Variants in SEC23B observed in about 807,000 individuals in gnomAD.
SEC23B encodes the protein protein transport protein Sec23B.
A neutral mutation model predicts 104.3 loss-of-function variants in SEC23B; 77 were observed. The observed-to-expected ratio is 0.74, with a 90% CI of 0.61 to 0.89. The LOEUF (loss-of-function observed/expected upper bound fraction) is 0.89, where lower values mean the gene tolerates loss of function less well. SEC23B is among the 40% of genes least tolerant of loss of function. SEC23B has a pLI of 0.00. For synonymous variants in SEC23B, 338 were observed against 332.5 expected (o/e 1.02, Z -0.18); for missense variants, 885 against 949.4 (o/e 0.93, Z 0.89).
intron 8 of SEC23B, among the ~76,000 whole-genome samples, chr20:18,527,263 G>A (rs754317009): frequency 5.3e-5 from 8 of 151,724 alleles, no homozygotes; most frequent in Admixed American, 2.0e-4. Flanking sequence ...GGATGGTGGC[G>A]CACGCTTTTA....
intron 4 of SEC23B, among the ~76,000 whole-genome samples, chr20:18,523,065 T>C (rs1009349447): frequency 1.9e-4 from 16 of 84,632 alleles, no homozygotes; most frequent in Non-Finnish European, 3.3e-4. Flanking sequence ...AGACTCCGTC[T>C]CAAAAAAAAA....
At chr20:18,549,587 T>C (rs1453965250) in intron 16 of SEC23B, among the ~76,000 whole-genome samples, 1 of 151,886 alleles carries the variant, frequency 6.6e-6, no homozygotes, top group Non-Finnish European at 1.5e-5. Context: ...AAATGTTACA[T>C]GAAAAAAAGT....
At position 18,560,654 on chromosome 20, in the gene SEC23B, A is replaced by G; in HGVS notation, c.2218A>G (p.Thr740Ala). The change falls in exon 20 of 20, where the codon ACT (threonine) becomes GCT (alanine). Residue 740 changes from threonine (T) to alanine (A), a missense_variant. Physicochemically the swap from Thr to Ala is moderately conservative, Grantham distance 58. Coordinates refer to ENST00000650089, the MANE Select transcript of SEC23B (RefSeq NM_006363.6). ...AATCTTTATCATTACATTTCAGGAA[A>G]CTGGAGCACCCATCCTAACTGATGA... The part of the protein sequence containing the change: ...HNNLYAWGQE[T>A]GAPILTDDVS... 1.2e-5 allele frequency: 19 copies of G among 1,613,206 alleles called. No homozygotes were observed. The highest frequency in any genetic ancestry group is 1.6e-5 in the Non-Finnish European group (19 of 1,179,150).
chr20:18,556,972 G>T (rs571852999), intron 19 of SEC23B, among the ~76,000 whole-genome samples: 29 of 152,272 alleles, frequency 1.9e-4, no homozygotes, highest in Admixed American at 1.4e-3. Flanking sequence ...CTCCAGCCTG[G>T]GCAACAGAGC....
At chr20:18,553,358 A>T (rs1184096039) in intron 17 of SEC23B, among the ~76,000 whole-genome samples, 1 of 152,200 alleles carries the variant, frequency 6.6e-6, no homozygotes, top group Admixed American at 6.5e-5. Flanking sequence ...ATCTGATGAG[A>T]ATCCTCTGCC....
At position 18,550,180 on chromosome 20, in the gene SEC23B, A is replaced by G. The variant is rs113800628; in HGVS notation, c.1906-909A>G. Among the ~76,000 whole-genome samples, 1,202 of 150,696 alleles carry G rather than the reference A, an allele frequency of 8.0e-3. 8 individuals are homozygous for G. Among genetic ancestry groups the G allele is most frequent in the Middle Eastern group, 0.014 (4 of 290 alleles). ...AATAATAAACGTATTTTTTTTTGAG[A>G]TGGGGTGTCTGTCACCCAGGTTGGA... On this transcript the variant is annotated intron_variant, in intron 16 of 19. Coordinates refer to ENST00000650089, the MANE Select transcript of SEC23B (RefSeq NM_006363.6).
chr20:18,517,737 A>G (rs975077717), intron 4 of SEC23B, among the ~76,000 whole-genome samples: 10 of 152,152 alleles, frequency 6.6e-5, no homozygotes, highest in African/African-American at 2.2e-4. Context: ...ATTTTGGCGT[A>G]AGGGGTGATG....
rs750189716 is a variant in SEC23B, at chr20:18,511,047, A to G, written c.212A>G (p.Asn71Ser). ...CSRPTCKAVL[N>S]PLCQVDYRAK... ...AGGCCAACTTGTAAAGCTGTTCTCA[A>G]CCCACTTTGGTATGGATTCTTTTGA... Residue 71 changes from asparagine (N) to serine (S), a missense_variant, in exon 2 of 20, where the codon AAC becomes AGC. Asn to Ser is a conservative substitution (Grantham distance 46, BLOSUM62 1). Transcript: ENST00000650089. 6.2e-7 allele frequency: 1 copy of G among 1,611,198 alleles called. No homozygotes were observed. The highest frequency in any genetic ancestry group is 8.5e-7 in the Non-Finnish European group (1 of 1,177,294).
intron 12 of SEC23B, among the ~76,000 whole-genome samples, chr20:18,537,732 A>G (rs377121746): frequency 6.6e-6 from 1 of 152,046 alleles, no homozygotes; most frequent in African/African-American, 2.4e-5. Context: ...AACTTAAAGT[A>G]TAATAATAAT....
chr20:18,507,732 G>C (rs1266804165), upstream of SEC23B: 1 of 152,306 alleles, frequency 6.6e-6, no homozygotes, highest in Non-Finnish European at 1.5e-5. Context: ...CGTGTTCCGA[G>C]GAACTCTCGT....
intron 19 of SEC23B, among the ~76,000 whole-genome samples, chr20:18,556,779 C>T (rs1275266894): frequency 6.6e-6 from 1 of 152,142 alleles, no homozygotes; most frequent in Non-Finnish European, 1.5e-5. Flanking sequence ...AGGCAGAACA[C>T]GAGGTCAGGA....
chr20:18,543,322 C>A (rs1239837987), intron 14 of SEC23B, 150 bp downstream of exon 14: 1 of 995,208 alleles, frequency 1.0e-6, no homozygotes, highest in Non-Finnish European at 1.6e-6. Context: ...CTGTTAAAGA[C>A]GTGTTAAATG....
At position 18,548,788 on chromosome 20, in the gene SEC23B, T is replaced by C; in HGVS notation, c.1905+18T>C. The C allele has an allele frequency of 2.5e-6, 4 of 1,612,854 alleles. No homozygotes were observed. The highest frequency in any genetic ancestry group is 3.4e-6 in the Non-Finnish European group (4 of 1,178,774). On this transcript the variant is annotated intron_variant, in intron 16 of 19. Transcript: ENST00000650089. ...CACCAGAGGTGAGGCTCTACCCAAA[T>C]GCTTTCCTGAGGATTGGAATCACCT...
rs1327188270 is a variant in SEC23B at position 18,554,261 on chromosome 20, C to T, written c.2019C>T (p.Gly673=). The T allele has an allele frequency of 1.9e-6, 3 of 1,614,030 alleles. No homozygotes were observed. The highest frequency in any genetic ancestry group is 2.7e-5 in the African/African-American group (2 of 74,908). The stretch of plus-strand genomic sequence containing the variant: ...CCATAGCCCAGTGGCGTAAAGCTGG[C>T]TACCAGGACATGCCCGAGTATGAAA... ...GETIAQWRKA[G]YQDMPEYENF... Residue 673 remains glycine (G), a synonymous_variant, in exon 18 of 20, where the codon GGC becomes GGT. Transcript: ENST00000650089.
chr20:18,556,883 C>T (rs556691043), intron 19 of SEC23B, among the ~76,000 whole-genome samples: 2 of 152,326 alleles, frequency 1.3e-5, no homozygotes, highest in South Asian at 4.1e-4. Context: ...GTAGTCCCAG[C>T]TACTTGGGTG....
At chr20:18,547,906 C>G (rs933845556) in intron 15 of SEC23B, among the ~76,000 whole-genome samples, 8 of 137,404 alleles carry the variant, frequency 5.8e-5, no homozygotes, top group African/African-American at 2.2e-4. Context: ...TTGACATACC[C>G]AGAGGCCCTT....
chr20:18,542,117 CT>C (rs903171482), intron 12 of SEC23B, among the ~76,000 whole-genome samples, 178 bp from the exon 13 acceptor site: 13 of 152,312 alleles, frequency 8.5e-5, no homozygotes, highest in Middle Eastern at 3.4e-3. Flanking sequence ...AGTTCTTCAA[CT>C]TTTTTGGAGA....
rs775843909 is a variant in SEC23B at position 18,545,990 on chromosome 20, C to A, written c.1700C>A (p.Pro567His). Residue 567 changes from proline to histidine, a missense_variant, in exon 15 of 20, where the codon CCC (proline) becomes CAC (histidine). By Grantham distance (77) the Pro-to-His change is moderately conservative. Transcript: ENST00000650089. ...TTTGGACAGTATAACAAAGAAGACCCCACTTCTTTTAGGTTATCAGATTCC... is the reference window on the plus strand; with the variant it reads ...TTTGGACAGTATAACAAAGAAGACCACACTTCTTTTAGGTTATCAGATTCC... ...QKFGQYNKED[P>H]TSFRLSDSFS... The A allele has an allele frequency of 1.3e-6, 2 of 1,593,200 alleles. No individual in the cohort carries two copies. Among genetic ancestry groups the A allele is most frequent in the South Asian group, 2.2e-5 (2 of 90,614 alleles).
At chr20:18,532,258 A>AT (rs1397234394) in intron 10 of SEC23B, among the ~76,000 whole-genome samples, 11 of 152,342 alleles carry the variant, frequency 7.2e-5, no homozygotes, top group African/African-American at 2.4e-4. Flanking sequence ...GAGTTCATGA[A>AT]TTAAGTATTT....
Sources: gnomAD v4.1 joint callset for allele counts (sites outside exome capture counted in the v4.1 genomes callset) on GRCh38, gnomAD v4.1.1 for gene constraint, MANE v1.5 for transcripts, NCBI Gene and HGNC (gene_info 2026-07-23, HGNC 2026-07-21) for gene names.